DMD: variants seen among roughly 807,000 people sequenced by gnomAD.
DMD encodes mutant dystrophin.
In DMD, 63 loss-of-function variants were observed where a neutral mutation model predicts 330.1. The ratio of observed to expected loss-of-function variants is 0.19; its 90% confidence interval spans 0.16 to 0.24. The LOEUF (loss-of-function observed/expected upper bound fraction) is 0.24. Ranked by LOEUF, DMD falls within the 10% of genes least tolerant of loss-of-function variation. The pLI is 1.00. For synonymous variants in DMD, 1,223 were observed against 959.8 expected (o/e 1.27, Z -5.07); for missense variants, 3,344 against 2,684.1 (o/e 1.25, Z -5.43).
At chrX:32,822,192 C>G (rs1419168503) in intron 5 of DMD, among the ~76,000 whole-genome samples, 2 of 111,660 alleles carry the variant, frequency 1.8e-5, no homozygotes, top group African/African-American at 6.5e-5. Flanking sequence ...AAGTGGTATA[C>G]TACACTGAGT....
intron 34 of DMD, among the ~76,000 whole-genome samples, chrX:32,379,599 T>C (rs1265007701): frequency 1.8e-5 from 2 of 111,882 alleles, no homozygotes; most frequent in African/African-American, 3.2e-5. Context: ...TATTTGGAAA[T>C]ATTTTATGTA....
intron 29 of DMD, among the ~76,000 whole-genome samples, chrX:32,414,138 G>C (rs936756349): frequency 2.1e-4 from 23 of 111,276 alleles, no homozygotes; most frequent in African/African-American, 6.9e-4. Context: ...AACCTACACT[G>C]TGGCCCTCTT....
chrX:32,656,505 G>A (rs1377348625), intron 9 of DMD, among the ~76,000 whole-genome samples: 1 of 112,036 alleles, frequency 8.9e-6, no homozygotes, highest in Non-Finnish European at 1.9e-5. Context: ...CTCATATACT[G>A]ATATACTCTA....
At chrX:31,662,104 G>T (rs1201161315) in intron 53 of DMD, among the ~76,000 whole-genome samples, 1 of 111,841 alleles carries the variant, frequency 8.9e-6, no homozygotes, top group Non-Finnish European at 1.9e-5. Context: ...ATCCTGGCGT[G>T]ATCGCTTAGT....
chrX:33,044,289 G>A (rs1041936853), intron 1 of DMD, among the ~76,000 whole-genome samples: 6 of 110,950 alleles, frequency 5.4e-5, no homozygotes, highest in Admixed American at 3.8e-4. Flanking sequence ...AAAATTAGCC[G>A]GGCGTGGTGG....
At chrX:32,020,566 G>C (rs2147138423) in intron 44 of DMD, among the ~76,000 whole-genome samples, 1 of 111,682 alleles carries the variant, frequency 9.0e-6, no homozygotes, top group South Asian at 3.7e-4. Context: ...ACAGCTACAA[G>C]GGATGCACAT....
chrX:32,465,582 G>GTTTTT (rs1191063866), intron 23 of DMD, among the ~76,000 whole-genome samples: 28 of 76,649 alleles, frequency 3.7e-4, no homozygotes, highest in African/African-American at 5.5e-4. Flanking sequence ...TTTGTTTTTT[G>GTTTTT]TTTTTTTTTT....
chrX:31,182,307 ATTATGGT>A (rs1348802107), intron 68 of DMD, among the ~76,000 whole-genome samples: 3 of 112,393 alleles, frequency 2.7e-5, no homozygotes, highest in Non-Finnish European at 5.6e-5. Flanking sequence ...CTGAGCTACT[ATTATGGT>A]TCCTCCCAGA....
intron 9 of DMD, among the ~76,000 whole-genome samples, chrX:32,671,175 A>T (rs1176466248): frequency 9.0e-6 from 1 of 110,652 alleles, no homozygotes; most frequent in Non-Finnish European, 1.9e-5. Context: ...TATATCTCTC[A>T]CCTTGGATCT....
chrX:31,211,941 G>A (rs1472538610), intron 64 of DMD, among the ~76,000 whole-genome samples: 2 of 111,100 alleles, frequency 1.8e-5, no homozygotes, highest in Non-Finnish European at 1.9e-5. Flanking sequence ...CTATGGACCC[G>A]AAAAGGAGGT....
Position 32,216,809 on chromosome X carries a change from G to C in DMD, c.6438+107C>G, listed in dbSNP as rs2097113932. ...TAGTAATATAATGATGACAACAACA[G>C]TCAAAAGTAATTTCCATCACCCTTC... On this transcript the variant is annotated intron_variant, in intron 44 of 78. Transcript: ENST00000357033. 31 of 729,543 alleles carry C rather than the reference G, an allele frequency of 4.2e-5. No individual in the cohort carries two copies. In the South Asian group the frequency reaches 7.1e-4, roughly 17 times the overall value. The allele number at this position is 729,543 out of a possible 1,213,427, so 60.1% of individuals were successfully genotyped here. A position where few individuals can be genotyped will look rare whatever the true frequency, so the allele number is the denominator to read the frequency against.
At chrX:32,160,785 C>A (rs2096846768) in intron 44 of DMD, among the ~76,000 whole-genome samples, 1 of 111,238 alleles carries the variant, frequency 9.0e-6, no homozygotes, top group Non-Finnish European at 1.9e-5. Context: ...ACCCACAGTA[C>A]AAGTTATAGT....
intron 2 of DMD, among the ~76,000 whole-genome samples, chrX:32,882,544 T>C (rs1401646673): frequency 8.9e-6 from 1 of 112,082 alleles, no homozygotes; most frequent in East Asian, 2.8e-4. Context: ...ACATATTATA[T>C]TCCACTATTG....
At chrX:32,336,449 A>G (rs1313057852) in intron 41 of DMD, among the ~76,000 whole-genome samples, 1 of 111,719 alleles carries the variant, frequency 9.0e-6, no homozygotes, top group African/African-American at 3.3e-5. Context: ...CATTACAATT[A>G]CTCTGCTGTA....
At chrX:31,672,894 C>T (rs781613724) in intron 53 of DMD, among the ~76,000 whole-genome samples, 5 of 112,342 alleles carry the variant, frequency 4.5e-5, no homozygotes, top group South Asian at 7.4e-4. Flanking sequence ...ATGTTTATCT[C>T]AACTAGCATC....
intron 63 of DMD, among the ~76,000 whole-genome samples, chrX:31,255,154 T>TTAG (rs1404493229): frequency 9.0e-6 from 1 of 111,235 alleles, no homozygotes; most frequent in African/African-American, 3.3e-5. Context: ...AGTAATGAAC[T>TTAG]TAGGGACCTA....
intron 44 of DMD, among the ~76,000 whole-genome samples, chrX:32,035,811 A>G (rs1250364386): frequency 9.1e-6 from 1 of 110,175 alleles, no homozygotes; most frequent in Non-Finnish European, 1.9e-5. Flanking sequence ...TGATGTTTAG[A>G]GCCACTGTGA....
In DMD at chrX:32,340,583, G is replaced by C. The variant is rs139571856; in HGVS notation, c.5922+1517C>G. Among the ~76,000 whole-genome samples the C allele has an allele frequency of 7.1e-4, 79 of 111,678 alleles. No homozygotes were observed. The East Asian group carries it at 0.021, about 29-fold the overall frequency. ...TTAGTTTGTAACGAATTTTAAACCT[G>C]CATATTGGGTGTGTCAAGACCTGGG... On this transcript the variant is annotated intron_variant, in intron 41 of 78. Coordinates refer to ENST00000357033, the MANE Select transcript of DMD (RefSeq NM_004006.3).
At chrX:33,027,089 TA>T (rs2094018403) in intron 1 of DMD, among the ~76,000 whole-genome samples, 2 of 112,420 alleles carry the variant, frequency 1.8e-5, no homozygotes, top group Admixed American at 9.4e-5. Flanking sequence ...CATCTGTGAA[TA>T]AATTATGTTA....
Sources: gnomAD v4.1 joint callset for allele counts (sites outside exome capture counted in the v4.1 genomes callset) on GRCh38, gnomAD v4.1.1 for gene constraint, MANE v1.5 for transcripts, NCBI Gene and HGNC (gene_info 2026-07-23, HGNC 2026-07-21) for gene names.